Variants in SUPT3H observed in about 807,000 individuals in gnomAD.
SUPT3H encodes the protein transcription initiation protein SPT3 homolog.
Under a neutral mutation model 44.3 loss-of-function variants are expected in SUPT3H, and 44 were observed. The observed-to-expected ratio is 0.99, with a 90% confidence interval of 0.78 to 1.28. SUPT3H has a LOEUF of 1.28. Among genes scored for constraint, SUPT3H ranks in the 50% most tolerant of loss-of-function variants. The pLI is 0.00. For missense variants in SUPT3H, 380 were observed against 387.1 expected (o/e 0.98, Z 0.15); for synonymous variants, 124 against 125.6 (o/e 0.99, Z 0.09).
intron 2 of SUPT3H, among the ~76,000 whole-genome samples, chr6:45,298,027 T>G (rs1295559477): frequency 1.3e-5 from 2 of 152,200 alleles, no homozygotes; most frequent in African/African-American, 4.8e-5. Flanking sequence ...AGGAGTGGAA[T>G]GCAATTTGAC....
At chr6:45,020,700 C>G (rs746038255) in intron 3 of SUPT3H, 68 bp from the exon 4 acceptor site, 48 of 1,097,772 alleles carry the variant, frequency 4.4e-5, no homozygotes, top group Non-Finnish European at 6.3e-5. Flanking sequence ...GTCATGATGT[C>G]TCTAAAGAGA....
At chr6:45,327,984 G>A (rs1427234931) in intron 2 of SUPT3H, among the ~76,000 whole-genome samples, 1 of 151,910 alleles carries the variant, frequency 6.6e-6, no homozygotes, top group African/African-American at 2.4e-5. Context: ...GGTTGAGCGG[G>A]GAGTAGAAAG....
intron 2 of SUPT3H, among the ~76,000 whole-genome samples, chr6:45,149,852 T>C (rs1308585881): frequency 2.0e-5 from 3 of 152,192 alleles, no homozygotes; most frequent in African/African-American, 7.2e-5. Context: ...TATTCAGCGA[T>C]ACTGAGTGAT....
intron 2 of SUPT3H, among the ~76,000 whole-genome samples, chr6:45,272,477 T>C (rs1441218095): frequency 2.0e-5 from 3 of 152,228 alleles, no homozygotes; most frequent in Non-Finnish European, 4.4e-5. Flanking sequence ...TCCCCGGCCA[T>C]GTGGAACTGT....
intron 10 of SUPT3H, among the ~76,000 whole-genome samples, chr6:44,903,430 G>C (rs1333571885): frequency 6.6e-6 from 1 of 152,148 alleles, no homozygotes; most frequent in Non-Finnish European, 1.5e-5. Context: ...AGAAAATCTA[G>C]AAGAAATGGA....
Position 45,117,837 on chromosome 6 carries a change from A to G in SUPT3H, c.102-11831T>C, listed in dbSNP as rs191441809. 2.3e-3 allele frequency among the ~76,000 whole-genome samples: 345 copies of G among 152,244 alleles called. 1 individual carries two copies. The highest frequency in any genetic ancestry group is 0.02 in the Middle Eastern group (6 of 294). ...TTCACAAAGGGCTTTCGCTTGAATC[A>G]GGAAGTATATAAGACAATTGTCTTA... On this transcript the variant is annotated intron_variant, in intron 2 of 10. Transcript: ENST00000371459.
At chr6:45,046,426 A>G (rs1789409174) in intron 3 of SUPT3H, among the ~76,000 whole-genome samples, 1 of 152,024 alleles carries the variant, frequency 6.6e-6, no homozygotes, top group African/African-American at 2.4e-5. Context: ...CGCCTGCCAG[A>G]TTCAAGTGAT....
At chr6:45,045,282 A>G (rs1013505392) in intron 3 of SUPT3H, among the ~76,000 whole-genome samples, 1 of 152,190 alleles carries the variant, frequency 6.6e-6, no homozygotes, top group African/African-American at 2.4e-5. Context: ...ATAAGAAATG[A>G]AACTGCTTCC....
chr6:45,012,891 G>A (rs1475303050), intron 5 of SUPT3H, among the ~76,000 whole-genome samples: 1 of 152,096 alleles, frequency 6.6e-6, no homozygotes, highest in Non-Finnish European at 1.5e-5. Flanking sequence ...AGCCTCTGAT[G>A]TTGTTCTTCA....
At chr6:45,320,745 T>G (rs1785359633) in intron 2 of SUPT3H, among the ~76,000 whole-genome samples, 1 of 152,174 alleles carries the variant, frequency 6.6e-6, no homozygotes, top group South Asian at 2.1e-4. Flanking sequence ...AAAAAGTGTG[T>G]CAATTCCTGG....
chr6:44,912,628 G>C (rs1458491153), intron 10 of SUPT3H, among the ~76,000 whole-genome samples: 1 of 152,164 alleles, frequency 6.6e-6, no homozygotes, highest in Non-Finnish European at 1.5e-5. Context: ...TGCCCCACAA[G>C]AATCACTGGC....
In SUPT3H at chr6:45,168,743, T is replaced by A. The variant is rs371223904; in HGVS notation, c.102-62737A>T. ...TTGTTTCCAGGTAAAGTGAACACTG[T>A]GAGCAATGGGAGGTAAGTATACACG... is the stretch of plus-strand genomic sequence containing the variant. On this transcript the variant is annotated intron_variant, in intron 2 of 10. Transcript: ENST00000371459. 7.9e-5 allele frequency among the ~76,000 whole-genome samples: 12 copies of A among 152,258 alleles called. No homozygotes were observed. The East Asian group carries it at 1.7e-3, about 22-fold the overall frequency.
chr6:45,175,679 G>C (rs913519803), intron 2 of SUPT3H, among the ~76,000 whole-genome samples: 1 of 151,518 alleles, frequency 6.6e-6, no homozygotes, highest in South Asian at 2.1e-4. Flanking sequence ...ACGATACCAT[G>C]GTGCTAGGCC....
chr6:45,157,691 G>C (rs1426128123), intron 2 of SUPT3H, among the ~76,000 whole-genome samples: 1 of 151,818 alleles, frequency 6.6e-6, no homozygotes, highest in East Asian at 1.9e-4. Flanking sequence ...TGGGATTACA[G>C]GCGCGCACCA....
intron 2 of SUPT3H, among the ~76,000 whole-genome samples, chr6:45,155,386 T>C (rs527252678): frequency 1.2e-4 from 18 of 152,226 alleles, no homozygotes; most frequent in African/African-American, 4.8e-5. Flanking sequence ...GCTCCTTTTA[T>C]GTGGGGGAAA....
At chr6:45,273,567 A>C (rs1162961024) in intron 2 of SUPT3H, among the ~76,000 whole-genome samples, 1 of 152,188 alleles carries the variant, frequency 6.6e-6, no homozygotes, top group Non-Finnish European at 1.5e-5. Flanking sequence ...TTTAAAAAAA[A>C]TGTGAAACCC....
chr6:45,253,644 T>A (rs538282693), intron 2 of SUPT3H, among the ~76,000 whole-genome samples: 18 of 151,480 alleles, frequency 1.2e-4, no homozygotes, highest in Admixed American at 4.0e-4. Flanking sequence ...ACTTAAAAAA[T>A]CAACTAAGCG....
At chr6:45,224,531 G>A (rs1245206797) in intron 2 of SUPT3H, among the ~76,000 whole-genome samples, 2 of 152,074 alleles carry the variant, frequency 1.3e-5, no homozygotes, top group Non-Finnish European at 2.9e-5. Flanking sequence ...GCAAGCAAGA[G>A]TTCATTCAAA....
intron 10 of SUPT3H, among the ~76,000 whole-genome samples, chr6:44,870,547 C>T (rs1223007844): frequency 1.6e-4 from 23 of 145,770 alleles, no homozygotes; most frequent in Admixed American, 4.2e-4. Flanking sequence ...TGCAGCGAGC[C>T]GGGACTGTGC....
Sources: gnomAD v4.1 joint callset for allele counts (sites outside exome capture counted in the v4.1 genomes callset) on GRCh38, gnomAD v4.1.1 for gene constraint, MANE v1.5 for transcripts, NCBI Gene and HGNC (gene_info 2026-07-23, HGNC 2026-07-21) for gene names.